RGS7: variants seen among roughly 807,000 people sequenced by gnomAD.
RGS7 encodes regulator of G-protein signaling 7.
In RGS7, 27 loss-of-function variants were observed where a neutral mutation model predicts 81.1. That is an observed-to-expected ratio of 0.33 (90% CI 0.25 to 0.46). RGS7 has a LOEUF of 0.46. Among genes scored for constraint, RGS7 ranks in the 20% least tolerant of loss-of-function variants. RGS7 has a pLI of 1.00. For synonymous variants in RGS7, 208 were observed against 207.7 expected (o/e 1.00, Z -0.01); for missense variants, 396 against 607.4 (o/e 0.65, Z 3.66).
At chr1:241,205,002 C>T (rs1299752996) in intron 2 of RGS7, among the ~76,000 whole-genome samples, 1 of 151,570 alleles carries the variant, frequency 6.6e-6, no homozygotes, top group South Asian at 2.1e-4. Flanking sequence ...TTAATAGATT[C>T]ATCCCTTTTT....
At chr1:241,000,634 T>C in intron 3 of RGS7, among the ~76,000 whole-genome samples, 1 of 96,136 alleles carries the variant, frequency 1.0e-5, no homozygotes, top group South Asian at 2.8e-4. Flanking sequence ...TCCTCATTTA[T>C]TTCTTTTCTT....
In RGS7 at chr1:240,802,988, G is replaced by A. The variant is rs1485721322; in HGVS notation, c.1275C>T (p.His425=). 4 of 1,603,206 alleles carry A rather than the reference G, an allele frequency of 2.5e-6. No individual in the cohort carries two copies. The African/African-American group carries it at 4.0e-5, about 16-fold the overall frequency. The part of the protein sequence containing the change: ...GRYTFEDAQE[H]IYKLMKSDSY... ...AATCACTTTTCATCAGTTTGTAAAT[G>A]TGCTCCTAAAAAGAAATAATGGTTG... The change falls in exon 16 of 19, where the codon CAC becomes CAT. Residue 425 remains histidine, a synonymous_variant. Coordinates refer to ENST00000440928, the MANE Select transcript of RGS7 (RefSeq NM_001364886.1).
chr1:241,241,938 GT>G (rs11284941), intron 2 of RGS7, among the ~76,000 whole-genome samples: 101,858 of 149,128 alleles, frequency 0.68, 34,708 homozygotes, highest in African/African-American at 0.73. Context: ...CTCTTTTTGT[GT>G]TTTTTTTTTT....
chr1:241,200,268 GTT>G (rs1209935345), intron 2 of RGS7, among the ~76,000 whole-genome samples: 1 of 151,780 alleles, frequency 6.6e-6, no homozygotes, highest in Non-Finnish European at 1.5e-5. Flanking sequence ...TTCAAAAAGT[GTT>G]CCTTTTCTCT....
rs1463355472 is a variant in RGS7, at chr1:241,164,182, T to C, written c.79-65420A>G. On this transcript the variant is annotated intron_variant, in intron 2 of 18. Coordinates refer to ENST00000440928, the MANE Select transcript of RGS7 (RefSeq NM_001364886.1). This position sits in a 1 kb window ranked among gnomAD's most constrained non-coding sequence, Gnocchi z 4.1. Reference sequence around the variant, plus strand: ...CATAGGGTGAGGTATGGAGGAAGGGTTGTGGAGCTTCCATGACCTTCCTGA... The same window carrying C: ...CATAGGGTGAGGTATGGAGGAAGGGCTGTGGAGCTTCCATGACCTTCCTGA... Among the ~76,000 whole-genome samples the C allele has an allele frequency of 1.3e-5, 2 of 151,834 alleles. No homozygotes were observed. The highest frequency in any genetic ancestry group is 2.9e-5 in the Non-Finnish European group (2 of 67,978).
chr1:240,889,998 C>G (rs751401038), intron 6 of RGS7, among the ~76,000 whole-genome samples: 2 of 152,172 alleles, frequency 1.3e-5, no homozygotes, highest in Non-Finnish European at 2.9e-5. Context: ...CCTTTTGTTT[C>G]TTCACTCCTC....
intron 4 of RGS7, among the ~76,000 whole-genome samples, chr1:240,980,906 A>C (rs10127615): frequency 0.023 from 3,476 of 152,310 alleles, 136 homozygotes; most frequent in African/African-American, 0.08. Context: ...TCATCTTGTC[A>C]TAACAGCTTC....
intron 3 of RGS7, among the ~76,000 whole-genome samples, chr1:241,025,963 G>A (rs2059761080): frequency 6.6e-6 from 1 of 152,162 alleles, no homozygotes; most frequent in Non-Finnish European, 1.5e-5. Flanking sequence ...GCAGCACATA[G>A]CATTAATAGA....
chr1:240,899,952 T>C (rs1452701089), intron 6 of RGS7, among the ~76,000 whole-genome samples: 3 of 152,222 alleles, frequency 2.0e-5, no homozygotes, highest in African/African-American at 7.2e-5. Context: ...TCTTTTCACA[T>C]AGTTCCATAT....
chr1:241,190,003 T>A (rs570538532), intron 2 of RGS7, among the ~76,000 whole-genome samples: 1 of 152,086 alleles, frequency 6.6e-6, no homozygotes, highest in South Asian at 2.1e-4. Context: ...CTCGGGAGGC[T>A]GAGGCAGGAG....
At chr1:241,355,955 G>A in intron 1 of RGS7, 129 bp from the exon 2 acceptor site, 2 of 643,142 alleles carry the variant, frequency 3.1e-6, no homozygotes, top group African/African-American at 1.8e-5. Context: ...AGTGACACAG[G>A]ACATGGATTT....
Position 241,126,596 on chromosome 1 carries a change from G to A in RGS7, c.79-27834C>T, listed in dbSNP as rs559866511. 7.4e-4 allele frequency among the ~76,000 whole-genome samples: 113 copies of A among 152,256 alleles called. 1 individual carries two copies. Among genetic ancestry groups the A allele is most frequent in the African/African-American group, 2.6e-3 (110 of 41,558 alleles). On this transcript the variant is annotated intron_variant, in intron 2 of 18. Transcript: ENST00000440928. Reference sequence around the variant, plus strand: ...TCAGCATTTTGTTGCCTCAGCTTCAGCATCTGAAAAACAGATGTGCTAAAT... The same window carrying A: ...TCAGCATTTTGTTGCCTCAGCTTCAACATCTGAAAAACAGATGTGCTAAAT...
rs377328670 is a variant in RGS7 at position 241,198,995 on chromosome 1, C to T, written c.79-100233G>A. Reference sequence around the variant, plus strand: ...TAATATACAACCAAACAGCCTAGTTCGGTTTATTCCAAGAATGGAAAATTG... The same window carrying T: ...TAATATACAACCAAACAGCCTAGTTTGGTTTATTCCAAGAATGGAAAATTG... On this transcript the variant is annotated intron_variant, in intron 2 of 18. Coordinates refer to ENST00000440928, the MANE Select transcript of RGS7 (RefSeq NM_001364886.1). Among the ~76,000 whole-genome samples, 137 of 152,086 alleles carry T rather than the reference C, an allele frequency of 9.0e-4. 1 individual carries two copies. The highest frequency in any genetic ancestry group is 2.8e-3 in the African/African-American group (118 of 41,500).
intron 2 of RGS7, among the ~76,000 whole-genome samples, chr1:241,237,412 G>A (rs1327695618): frequency 1.3e-5 from 2 of 152,090 alleles, no homozygotes; most frequent in Non-Finnish European, 2.9e-5. Context: ...CATATACCAT[G>A]AGCAGTGAGT....
intron 3 of RGS7, among the ~76,000 whole-genome samples, chr1:241,042,831 T>C (rs754560982): frequency 1.8e-4 from 28 of 151,914 alleles, no homozygotes; most frequent in Admixed American, 9.8e-4. Context: ...TCCCAGCTAC[T>C]TGGGAGGCTG....
chr1:240,940,606 G>A (rs963719175), intron 4 of RGS7, among the ~76,000 whole-genome samples: 4 of 152,148 alleles, frequency 2.6e-5, no homozygotes, highest in African/African-American at 7.2e-5. Context: ...AAGGAAATCT[G>A]CGGAGTATAG....
At chr1:240,908,200 G>C (rs1262907168) in intron 6 of RGS7, among the ~76,000 whole-genome samples, 1 of 128,650 alleles carries the variant, frequency 7.8e-6, no homozygotes, top group Non-Finnish European at 1.6e-5. Context: ...GCCTGTCGTG[G>C]GGTGGGGGGA....
At chr1:241,331,553 A>T (rs1389679127) in intron 2 of RGS7, among the ~76,000 whole-genome samples, 1 of 152,198 alleles carries the variant, frequency 6.6e-6, no homozygotes, top group Non-Finnish European at 1.5e-5. Context: ...TATTATTATT[A>T]CTTATTCACT....
At chr1:241,159,809 G>A (rs955348900) in intron 2 of RGS7, among the ~76,000 whole-genome samples, 1 of 151,496 alleles carries the variant, frequency 6.6e-6, no homozygotes, top group Non-Finnish European at 1.5e-5. Context: ...AAAGGGAGAG[G>A]GTGTTCTAAG....
Sources: allele counts gnomAD v4.1 joint callset (sites outside exome capture counted in the v4.1 genomes callset), GRCh38; gene constraint gnomAD v4.1.1; non-coding constraint Gnocchi (gnomAD v3.1); transcripts MANE v1.5; gene names NCBI Gene and HGNC (gene_info 2026-07-23, HGNC 2026-07-21).